SCAPER: variants seen among roughly 807,000 people sequenced by gnomAD.
The protein encoded by SCAPER is S-phase cyclin A associated protein in the ER.
SCAPER carries 98 observed loss-of-function variants against 182.2 expected under a neutral mutation model. The observed-to-expected ratio is 0.54, with a 90% CI of 0.46 to 0.64. The LOEUF (loss-of-function observed/expected upper bound fraction) is 0.64, where lower values mean the gene tolerates loss of function less well. SCAPER is among the 30% of genes least tolerant of loss of function. The pLI, the probability that SCAPER is intolerant of heterozygous loss-of-function variation, is 0.00. For missense variants in SCAPER, 1,432 were observed against 1,690.0 expected (o/e 0.85, Z 2.68); for synonymous variants, 605 against 564.6 (o/e 1.07, Z -1.01).
chr15:76,546,549 C>G (rs947341283), intron 23 of SCAPER, among the ~76,000 whole-genome samples: 1 of 152,046 alleles, frequency 6.6e-6, no homozygotes. Context: ...CCTGCCCCCA[C>G]CCAATCCCAA....
intron 27 of SCAPER, among the ~76,000 whole-genome samples, chr15:76,402,100 C>T (rs1196620148): frequency 6.6e-6 from 1 of 152,082 alleles, no homozygotes; most frequent in Non-Finnish European, 1.5e-5. Flanking sequence ...GTACTCCAGC[C>T]TGGGCGACAG....
At chr15:76,425,327 TTTTCTCTA>T (rs1377649791) in intron 26 of SCAPER, among the ~76,000 whole-genome samples, 3 of 152,214 alleles carry the variant, frequency 2.0e-5, no homozygotes, top group South Asian at 4.1e-4. Context: ...TTTTACTCTT[TTTTCTCTA>T]AACTTCTCTT....
chr15:76,792,536 T>C (rs8028294), intron 8 of SCAPER, among the ~76,000 whole-genome samples: 58,084 of 152,090 alleles, frequency 0.38, 13,088 homozygotes, highest in Middle Eastern at 0.53. Context: ...ATATGATCAA[T>C]TGAATATGGT....
chr15:76,458,371 T>C (rs1480630013), intron 25 of SCAPER, among the ~76,000 whole-genome samples: 2 of 151,868 alleles, frequency 1.3e-5, no homozygotes, highest in East Asian at 1.9e-4. Flanking sequence ...AGTGTATATA[T>C]ACACACACAT....
intron 23 of SCAPER, among the ~76,000 whole-genome samples, chr15:76,541,217 T>A (rs1467645046): frequency 1.1e-4 from 1 of 8,982 alleles, no homozygotes; most frequent in Non-Finnish European, 5.6e-3. Context: ...ATAAAATGTT[T>A]TATTAAAAAA....
intron 23 of SCAPER, among the ~76,000 whole-genome samples, chr15:76,547,264 T>C (rs1038369283): frequency 1.3e-5 from 2 of 152,202 alleles, no homozygotes; most frequent in Non-Finnish European, 1.5e-5. Context: ...TTTAAGTTCA[T>C]AGACCTCTGA....
intron 21 of SCAPER, among the ~76,000 whole-genome samples, chr15:76,654,963 G>A (rs887902940): frequency 3.3e-5 from 5 of 152,236 alleles, no homozygotes; most frequent in Admixed American, 1.3e-4. Context: ...GAAAGAACTA[G>A]TGCAAGAACT....
chr15:76,699,983 G>A (rs996619081), intron 20 of SCAPER, among the ~76,000 whole-genome samples: 3 of 152,322 alleles, frequency 2.0e-5, no homozygotes, highest in Admixed American at 1.3e-4. Flanking sequence ...GTAGTTGCAC[G>A]CCAGCAGGGG....
chr15:76,409,220 G>C (rs1015762284), intron 26 of SCAPER, among the ~76,000 whole-genome samples: 4 of 152,128 alleles, frequency 2.6e-5, no homozygotes, highest in Non-Finnish European at 5.9e-5. Context: ...ACTTTCTAAT[G>C]AACACTGGGG....
At chr15:76,369,901 A>G (rs1040806900) in intron 29 of SCAPER, among the ~76,000 whole-genome samples, 27 of 152,322 alleles carry the variant, frequency 1.8e-4, no homozygotes, top group South Asian at 2.1e-4. Context: ...ATGTAAATCA[A>G]CTGTGGCTGA....
At chr15:76,777,691 T>C (rs1047092006) in intron 8 of SCAPER, among the ~76,000 whole-genome samples, 1 of 151,944 alleles carries the variant, frequency 6.6e-6, no homozygotes, top group Non-Finnish European at 1.5e-5. Context: ...CAAAACTCCA[T>C]CTCAAAAAAG....
chr15:76,885,587 C>CT (rs1463783036), intron 1 of SCAPER, among the ~76,000 whole-genome samples: 1 of 152,188 alleles, frequency 6.6e-6, no homozygotes, highest in Non-Finnish European at 1.5e-5. Flanking sequence ...TGACTCAAGC[C>CT]ATCTTCCCAC....
intron 20 of SCAPER, among the ~76,000 whole-genome samples, chr15:76,673,284 T>C (rs1273414908): frequency 1.3e-5 from 2 of 151,920 alleles, no homozygotes; most frequent in African/African-American, 4.8e-5. Context: ...ACTGCATACA[T>C]ACTTACAGAA....
At chr15:76,822,260 G>A (rs2067635541) in intron 5 of SCAPER, among the ~76,000 whole-genome samples, 1 of 152,140 alleles carries the variant, frequency 6.6e-6, no homozygotes, top group South Asian at 2.1e-4. Context: ...ATGTATGGGG[G>A]CAGGGGTTAT....
At chr15:76,527,594 G>T (rs1257261399) in intron 23 of SCAPER, among the ~76,000 whole-genome samples, 2 of 152,142 alleles carry the variant, frequency 1.3e-5, no homozygotes, top group African/African-American at 4.8e-5. Flanking sequence ...CTCCTTTTAG[G>T]AGAAGAAAAG....
intron 25 of SCAPER, among the ~76,000 whole-genome samples, chr15:76,435,339 T>A (rs1331207772): frequency 1.3e-5 from 2 of 152,236 alleles, no homozygotes; most frequent in Admixed American, 1.3e-4. Flanking sequence ...TTGTCCAAAA[T>A]TTTTGGTTTC....
In SCAPER at chr15:76,561,538, G is replaced by A. The variant is rs1049976157; in HGVS notation, c.2838+12620C>T. On this transcript the variant is annotated intron_variant, in intron 23 of 31. Coordinates refer to ENST00000563290, the MANE Select transcript of SCAPER (RefSeq NM_020843.4). The stretch of plus-strand genomic sequence containing the variant: ...ATGTTTTAATAAAACCGATACTTGA[G>A]GGAAGTGTGCTATTTTACCAGCTTT... 2.0e-5 allele frequency among the ~76,000 whole-genome samples: 3 copies of A among 151,960 alleles called. 1 individual carries two copies. The highest frequency in any genetic ancestry group is 2.0e-4 in the Admixed American group (3 of 15,244).
chr15:76,606,510 G>C (rs529516589), intron 22 of SCAPER, among the ~76,000 whole-genome samples: 98 of 152,164 alleles, frequency 6.4e-4, no homozygotes, highest in African/African-American at 2.2e-3. Flanking sequence ...GGGGTGGAGA[G>C]TTCTGTAGAT....
intron 24 of SCAPER, among the ~76,000 whole-genome samples, chr15:76,486,075 TGA>T (rs2051614861): frequency 6.6e-6 from 1 of 151,908 alleles, no homozygotes; most frequent in African/African-American, 2.4e-5. Context: ...GGCATGGTGG[TGA>T]GCACCTGTAG....
Sources: gnomAD v4.1 joint callset for allele counts (sites outside exome capture counted in the v4.1 genomes callset) on GRCh38, gnomAD v4.1.1 for gene constraint, MANE v1.5 for transcripts, NCBI Gene and HGNC (gene_info 2026-07-23, HGNC 2026-07-21) for gene names.